Variants in MRPL18 observed in about 807,000 individuals in gnomAD.
MRPL18 encodes the protein large ribosomal subunit protein uL18m.
MRPL18 carries 16 observed loss-of-function variants against 20.9 expected under a neutral mutation model. That is an observed-to-expected ratio of 0.76 (90% CI 0.52 to 1.16). MRPL18 has a LOEUF of 1.16. Ranked by LOEUF, MRPL18 falls within the 50% of genes most tolerant of loss-of-function variation. The pLI, the probability that MRPL18 is intolerant of heterozygous loss-of-function variation, is 0.00. For missense variants in MRPL18, 233 were observed against 230.6 expected, an observed-to-expected ratio of 1.01 and a Z score of -0.07; for synonymous variants, 91 against 87.1, an observed-to-expected ratio of 1.04 and a Z score of -0.25.
intron 3 of MRPL18, 34 bp downstream of exon 3, chr6:159,797,552 ATTGTG>A (rs760886209): frequency 6.3e-7 from 1 of 1,585,636 alleles, no homozygotes; most frequent in Non-Finnish European, 8.6e-7. Flanking sequence ...TTGAAAAGGT[ATTGTG>A]TTAATTCTTG....
upstream of MRPL18, among the ~76,000 whole-genome samples, chr6:159,790,285 C>T (rs935510137): frequency 6.6e-6 from 1 of 152,158 alleles, no homozygotes; most frequent in African/African-American, 2.4e-5. Context: ...GGGTGTGTGC[C>T]TTTGACCCCG....
Position 159,797,532 on chromosome 6 carries a change from C to G in MRPL18, c.471+14C>G. 3 of 1,607,284 alleles carry G rather than the reference C, an allele frequency of 1.9e-6. No individual in the cohort carries two copies. Among genetic ancestry groups the G allele is most frequent in the Non-Finnish European group, 2.6e-6 (3 of 1,174,504 alleles). On this transcript the variant is annotated intron_variant, in intron 3 of 3. Coordinates refer to ENST00000367034, the MANE Select transcript of MRPL18 (RefSeq NM_014161.5). The stretch of plus-strand genomic sequence containing the variant: ...GCCTCAGACTCGGTATTTTTGTTTT[C>G]ATGTACTTATTGAAAAGGTATTGTG...
rs548673353 is a variant in MRPL18 at position 159,793,042 on chromosome 6, GTCTCGAGC to G, written c.239+1920_239+1927del. Among the ~76,000 whole-genome samples the G allele has an allele frequency of 3.8e-3, 579 of 151,668 alleles. 3 individuals carry two copies. Among genetic ancestry groups the G allele is most frequent in the African/African-American group, 0.013 (557 of 41,328 alleles). On this transcript the variant is annotated intron_variant, in intron 2 of 3. Coordinates refer to ENST00000367034, the MANE Select transcript of MRPL18 (RefSeq NM_014161.5). ...TGGGGTTTTGCTGCTGCCCAGGCTG[GTCTCGAGC>G]TCTTGAGCTCGAGAGATCTGCCTGA...
In MRPL18 at chr6:159,797,411, G is replaced by T. The variant is rs146888147; in HGVS notation, c.364G>T (p.Val122Leu). ...IKKHLYSTRN[V>L]VACESIGRVL... ...AAAGCACCTTTATAGTACCAGAAAT[G>T]TGGTGGCTTGTGAGAGTATAGGACG... The change falls in exon 3 of 4, where the codon GTG (valine) becomes TTG (leucine). Residue 122 changes from valine to leucine, a missense_variant. Coordinates refer to ENST00000367034, the MANE Select transcript of MRPL18 (RefSeq NM_014161.5). 1,150 of 1,614,064 alleles carry T rather than the reference G, an allele frequency of 7.1e-4. No homozygotes were observed. The highest frequency in any genetic ancestry group is 9.2e-4 in the Non-Finnish European group (1,085 of 1,180,038).
At chr6:159,791,222 G>GGCGGGTAGAGGCAGGGTTC in intron 2 of MRPL18, 96 bp downstream of exon 2, 1 of 1,446,176 alleles carries the variant, frequency 6.9e-7, no homozygotes, top group Non-Finnish European at 9.4e-7. Context: ...GCTGCCATGC[G>GGCGGGTAGAGGCAGGGTTC]GCGGGTAGAG....
chr6:159,795,959 A>AT (rs1206721541), intron 2 of MRPL18, among the ~76,000 whole-genome samples: 1 of 151,466 alleles, frequency 6.6e-6, no homozygotes, highest in Admixed American at 6.6e-5. Context: ...GATTTTTTCT[A>AT]TTTTTTGTAG....
At chr6:159,791,175 A>C (rs751660365) in intron 2 of MRPL18, 49 bp downstream of exon 2, 19 of 1,591,798 alleles carry the variant, frequency 1.2e-5, no homozygotes, top group Admixed American at 1.7e-5. Flanking sequence ...CCTACAGACT[A>C]TTTTCATTCA....
intron 2 of MRPL18, among the ~76,000 whole-genome samples, chr6:159,792,091 A>G (rs1780916557): frequency 6.6e-6 from 1 of 152,190 alleles, no homozygotes; most frequent in South Asian, 2.1e-4. Flanking sequence ...TTACATCATG[A>G]AGCAGTTATA....
Position 159,798,110 on chromosome 6 carries a change from G to C in MRPL18, c.530G>C (p.Arg177Thr). 6.2e-7 allele frequency: 1 copy of C among 1,611,938 alleles called. No individual in the cohort carries two copies. The highest frequency in any genetic ancestry group is 2.2e-5 in the East Asian group (1 of 44,854). ...GGTGTGGTTCTACGGGAACCTCAGA[G>C]AATCTATGAATAAATGGAAGCATTA... Reference protein sequence around the residue: ...EGGVVLREPQRIYE With the variant: ...EGGVVLREPQTIYE The change falls in exon 4 of 4, where the codon AGA becomes ACA. Residue 177 changes from arginine to threonine, a missense_variant. By Grantham distance (71) the Arg-to-Thr change is moderately conservative. Coordinates refer to ENST00000367034, the MANE Select transcript of MRPL18 (RefSeq NM_014161.5).
chr6:159,792,392 C>G (rs771231379), intron 2 of MRPL18, among the ~76,000 whole-genome samples: 1 of 152,064 alleles, frequency 6.6e-6, no homozygotes, highest in Non-Finnish European at 1.5e-5. Context: ...AGCATCATAC[C>G]TGTATCACTT....
rs764929769 is a variant in MRPL18 at position 159,790,631 on chromosome 6, G to C, written c.44G>C (p.Arg15Thr). Residue 15 changes from arginine to threonine, a missense_variant, in exon 1 of 4, where the codon AGG becomes ACG. Transcript: ENST00000367034. The part of the protein sequence containing the change: ...SRFWGLFSVC[R>T]NPGCRFAALS... ...TTTTGGGGGTTGTTCTCGGTTTGCA[G>C]GAACCCTGGTAATTAGTCTTGCCCC... 11 of 1,614,026 alleles carry C rather than the reference G, an allele frequency of 6.8e-6. No individual in the cohort carries two copies. In the South Asian group the frequency reaches 1.2e-4, roughly 18 times the overall value.
upstream of MRPL18, chr6:159,790,422 A>G (rs1341547522): frequency 2.6e-6 from 2 of 781,990 alleles, no homozygotes; most frequent in Admixed American, 2.2e-5. Flanking sequence ...TCGGCCACTC[A>G]GTGGCAGGGG....
rs751044313 is a variant in MRPL18, at chr6:159,790,688, C to T, written c.52+49C>T. On this transcript the variant is annotated intron_variant, in intron 1 of 3. Transcript: ENST00000367034. ...CCCAGCTCACTCGCCTGGGCTTGCA[C>T]AGTACATTGGAACGTGCGGGTTCTA... 16 of 1,604,456 alleles carry T rather than the reference C, an allele frequency of 1.0e-5. No individual in the cohort carries two copies. The East Asian group carries it at 3.1e-4, about 31-fold the overall frequency.
chr6:159,797,456 T>C lies in MRPL18; in HGVS notation c.409T>C (p.Leu137=). The C allele has an allele frequency of 6.2e-7, 1 of 1,614,192 alleles. No individual in the cohort carries two copies. ...AGGACGAGTGCTGGCACAGAGATGC[T>C]TAGAGGCGGGAATCAACTTCATGGT... ...SIGRVLAQRC[L]EAGINFMVYQ... The change falls in exon 3 of 4, where the codon TTA becomes CTA. Residue 137 remains leucine, a synonymous_variant. Transcript: ENST00000367034.
rs187236523 is a variant in MRPL18, at chr6:159,792,698, A to G, written c.239+1572A>G. Among the ~76,000 whole-genome samples, 24 of 152,286 alleles carry G rather than the reference A, an allele frequency of 1.6e-4. No homozygotes were observed. In the East Asian group the frequency reaches 4.6e-3, roughly 29 times the overall value. On this transcript the variant is annotated intron_variant, in intron 2 of 3. Transcript: ENST00000367034. ...GTTGCCCAGGCTAGAATGCAGTGGT[A>G]TGATATCTGCTTACTGCATCCTTGA...
chr6:159,793,215 A>G (rs1780947011), intron 2 of MRPL18, among the ~76,000 whole-genome samples: 2 of 152,216 alleles, frequency 1.3e-5, no homozygotes, highest in South Asian at 2.1e-4. Context: ...CTTACTCGCA[A>G]TATTAAAAGT....
intron 2 of MRPL18, among the ~76,000 whole-genome samples, chr6:159,793,124 G>T (rs971813286): frequency 6.6e-6 from 1 of 151,994 alleles, no homozygotes; most frequent in African/African-American, 2.4e-5. Flanking sequence ...ACTGCACTCG[G>T]CCCCAACGCA....
Position 159,790,971 on chromosome 6 carries a change from C to T in MRPL18, c.84C>T (p.Ser28=), listed in dbSNP as rs1450110686. 4 of 1,614,056 alleles carry T rather than the reference C, an allele frequency of 2.5e-6. No individual in the cohort carries two copies. The highest frequency in any genetic ancestry group is 3.3e-5 in the Admixed American group (2 of 59,996). ...GCRFAALSTS[S]EPAAKPEVDP... ...GGTTCGCAGCCCTGTCAACCAGCTCCGAGCCGGCAGCGAAACCTGAAGTGG... is the reference window on the plus strand; with the variant it reads ...GGTTCGCAGCCCTGTCAACCAGCTCTGAGCCGGCAGCGAAACCTGAAGTGG... The change falls in exon 2 of 4, where the codon TCC becomes TCT. Residue 28 remains serine, a synonymous_variant. Transcript: ENST00000367034.
rs762288486 is a variant in MRPL18 at position 159,790,622 on chromosome 6, C to T, written c.35C>T (p.Ser12Leu). ...ALRSRFWGLF[S>L]VCRNPGCRFA... ...CGGTCGCGGTTTTGGGGGTTGTTCT[C>T]GGTTTGCAGGAACCCTGGTAATTAG... Residue 12 changes from serine (S) to leucine (L), a missense_variant, in exon 1 of 4, where the codon TCG becomes TTG. Ser to Leu is a moderately radical substitution (Grantham distance 145, BLOSUM62 -2). Transcript: ENST00000367034. 6.2e-6 allele frequency: 10 copies of T among 1,613,622 alleles called. No individual in the cohort carries two copies. The highest frequency in any genetic ancestry group is 1.7e-5 in the Admixed American group (1 of 59,970).
Sources: allele counts gnomAD v4.1 joint callset (sites outside exome capture counted in the v4.1 genomes callset), GRCh38; gene constraint gnomAD v4.1.1; transcripts MANE v1.5; gene names NCBI Gene and HGNC (gene_info 2026-07-23, HGNC 2026-07-21).